Variants in SYT1 observed in about 807,000 individuals in gnomAD.
SYT1 encodes synaptotagmin-1.
SYT1 carries 8 observed loss-of-function variants against 44.8 expected under a neutral mutation model. That is an observed-to-expected ratio of 0.18 (90% CI 0.10 to 0.32). The LOEUF (loss-of-function observed/expected upper bound fraction) is 0.32, where lower values mean the gene tolerates loss of function less well. SYT1 is among the 10% of genes least tolerant of loss of function. SYT1 has a pLI of 1.00. For missense variants in SYT1, 286 were observed against 509.3 expected (o/e 0.56, Z 4.22); for synonymous variants, 154 against 188.8 (o/e 0.82, Z 1.51).
chr12:79,335,145 A>T (rs1380408534), intron 8 of SYT1, among the ~76,000 whole-genome samples: 1 of 152,110 alleles, frequency 6.6e-6, no homozygotes, highest in Admixed American at 6.6e-5. Context: ...TCTGCTTCCA[A>T]CACGGCAAGC....
At chr12:79,070,458 A>G (rs961183805) in intron 3 of SYT1, among the ~76,000 whole-genome samples, 1 of 151,846 alleles carries the variant, frequency 6.6e-6, no homozygotes, top group South Asian at 2.1e-4. Context: ...TTTAACCTTG[A>G]AGGTCTTTTT....
At chr12:79,074,726 G>T (rs1407814251) in intron 3 of SYT1, among the ~76,000 whole-genome samples, 1 of 152,094 alleles carries the variant, frequency 6.6e-6, no homozygotes, top group Non-Finnish European at 1.5e-5. Flanking sequence ...CACAGGCCAA[G>T]GTTTGCCTGA....
Position 79,332,931 on chromosome 12 carries a change from A to G in SYT1, c.811-20571A>G, listed in dbSNP as rs369587727. On this transcript the variant is annotated intron_variant, in intron 8 of 10. Transcript: ENST00000261205. ...CACAATCTAATTATATTATTTTCAC[A>G]GTGACATTATGAAACTATCCAGTAG... 4.6e-5 allele frequency among the ~76,000 whole-genome samples: 7 copies of G among 152,322 alleles called. 1 individual carries two copies. The highest frequency in any genetic ancestry group is 3.3e-4 in the Admixed American group (5 of 15,294).
intron 9 of SYT1, among the ~76,000 whole-genome samples, chr12:79,365,727 G>T (rs1239098397): frequency 2.0e-5 from 3 of 148,386 alleles, no homozygotes. Flanking sequence ...ATGTCATTAT[G>T]CATCTAAATA....
intron 1 of SYT1, among the ~76,000 whole-genome samples, chr12:78,972,390 T>C (rs1868440152): frequency 6.6e-6 from 1 of 152,002 alleles, no homozygotes; most frequent in African/African-American, 2.4e-5. Context: ...TTAACCTACA[T>C]TGACTACGAT....
At chr12:79,070,107 C>T (rs1344246535) in intron 3 of SYT1, among the ~76,000 whole-genome samples, 4 of 151,992 alleles carry the variant, frequency 2.6e-5, no homozygotes, top group Non-Finnish European at 4.4e-5. Context: ...TCTTTGAAGG[C>T]GGTTTATCAA....
intron 3 of SYT1, among the ~76,000 whole-genome samples, chr12:79,199,006 C>T (rs1304761321): frequency 6.6e-6 from 1 of 152,144 alleles, no homozygotes; most frequent in Non-Finnish European, 1.5e-5. Flanking sequence ...ATTCTGATGT[C>T]AGTTGACATT....
intron 3 of SYT1, among the ~76,000 whole-genome samples, chr12:79,116,014 C>T (rs759347338): frequency 6.6e-6 from 1 of 152,178 alleles, no homozygotes; most frequent in Non-Finnish European, 1.5e-5. Flanking sequence ...AACCTTTGAA[C>T]TTAGATATTT....
chr12:79,117,354 C>T (rs963633568), intron 3 of SYT1, among the ~76,000 whole-genome samples: 3 of 151,892 alleles, frequency 2.0e-5, no homozygotes, highest in African/African-American at 7.3e-5. Flanking sequence ...GTGTTAAATT[C>T]GCCAACTGCT....
intron 3 of SYT1, among the ~76,000 whole-genome samples, chr12:79,170,293 G>C (rs1565836520): frequency 6.6e-6 from 1 of 152,154 alleles, no homozygotes; most frequent in African/African-American, 2.4e-5. Flanking sequence ...TACAATGGCT[G>C]AACTAATTTA....
intron 8 of SYT1, among the ~76,000 whole-genome samples, chr12:79,325,609 G>C (rs542624559): frequency 6.6e-6 from 1 of 152,080 alleles, no homozygotes; most frequent in Non-Finnish European, 1.5e-5. Flanking sequence ...ACAGAGAAAG[G>C]TTTGCCCATT....
intron 8 of SYT1, among the ~76,000 whole-genome samples, chr12:79,300,989 A>C (rs1049096954): frequency 6.6e-6 from 1 of 151,538 alleles, no homozygotes; most frequent in Non-Finnish European, 1.5e-5. Flanking sequence ...GTAATGTTAC[A>C]GACATCTTCA....
chr12:79,216,594 C>T (rs1874821105), intron 3 of SYT1, among the ~76,000 whole-genome samples: 1 of 152,098 alleles, frequency 6.6e-6, no homozygotes, highest in Non-Finnish European at 1.5e-5. Context: ...ATGTCAAATG[C>T]CCTGTTAAAG....
At chr12:79,213,359 A>G (rs1400370771) in intron 3 of SYT1, among the ~76,000 whole-genome samples, 1 of 152,166 alleles carries the variant, frequency 6.6e-6, no homozygotes, top group Non-Finnish European at 1.5e-5. Context: ...TTTTGATACT[A>G]TAGTGGCTAA....
Position 79,080,329 on chromosome 12 carries a change from C to G in SYT1, c.-18+32967C>G, listed in dbSNP as rs562502496. On this transcript the variant is annotated intron_variant, in intron 3 of 10. Coordinates refer to ENST00000261205, the MANE Select transcript of SYT1 (RefSeq NM_005639.3). ...TTGGGACATCTGGATATTTGACAAC[C>G]ACGAACCTCAATATGATTAACTGAG... Among the ~76,000 whole-genome samples, 5 of 152,016 alleles carry G rather than the reference C, an allele frequency of 3.3e-5. No individual in the cohort carries two copies. The South Asian group carries it at 1.0e-3, about 32-fold the overall frequency.
chr12:79,022,877 T>A (rs1466304779), intron 2 of SYT1, among the ~76,000 whole-genome samples: 1 of 151,736 alleles, frequency 6.6e-6, no homozygotes. Flanking sequence ...CAACCCAGGA[T>A]CTAGCTTTCG....
intron 3 of SYT1, among the ~76,000 whole-genome samples, chr12:79,071,247 T>C (rs957148651): frequency 6.6e-5 from 10 of 152,160 alleles, no homozygotes; most frequent in African/African-American, 2.4e-4. Flanking sequence ...GTAAATTTTA[T>C]TTAAAAATAA....
In SYT1 at chr12:78,898,049, A is replaced by G. The variant is rs145626294; in HGVS notation, c.-217+32940A>G. On this transcript the variant is annotated intron_variant, in intron 1 of 10. Transcript: ENST00000261205. Reference sequence around the variant, plus strand: ...ACTAAATAAAACTTAAGGCATTCATAAACGCTTGAATGTCTGAAATTGCAA... The same window carrying G: ...ACTAAATAAAACTTAAGGCATTCATGAACGCTTGAATGTCTGAAATTGCAA... Among the ~76,000 whole-genome samples, 144 of 152,190 alleles carry G rather than the reference A, an allele frequency of 9.5e-4. 1 individual carries two copies. The highest frequency in any genetic ancestry group is 3.3e-3 in the African/African-American group (137 of 41,554).
intron 2 of SYT1, among the ~76,000 whole-genome samples, chr12:78,995,121 G>C (rs1870287563): frequency 6.6e-6 from 1 of 152,090 alleles, no homozygotes; most frequent in Non-Finnish European, 1.5e-5. Flanking sequence ...TGAACCAAAG[G>C]CTGGGCATTA....
Sources: allele counts gnomAD v4.1 joint callset (sites outside exome capture counted in the v4.1 genomes callset), GRCh38; gene constraint gnomAD v4.1.1; transcripts MANE v1.5; gene names NCBI Gene and HGNC (gene_info 2026-07-23, HGNC 2026-07-21).